The following COL11A1 variants were observed in gnomAD, a reference collection of about 807,000 sequenced individuals.
COL11A1 encodes the protein collagen type XI alpha 1 chain, also known as collagen alpha-1(XI) chain.
In COL11A1, 74 loss-of-function variants were observed where a neutral mutation model predicts 265.2. That is an observed-to-expected ratio of 0.28 (90% CI 0.23 to 0.34). COL11A1 has a LOEUF of 0.34. Among genes scored for constraint, COL11A1 ranks in the 10% least tolerant of loss-of-function variants. The pLI, the probability that COL11A1 is intolerant of heterozygous loss-of-function variation, is 1.00. For synonymous variants in COL11A1, 816 were observed against 727.6 expected, an observed-to-expected ratio of 1.12 and a Z score of -1.96; for missense variants, 2,165 against 2,263.6, an observed-to-expected ratio of 0.96 and a Z score of 0.88.
chr1:102,974,919 A>G (rs1557891930), intron 35 of COL11A1, 36 bp from the exon 36 acceptor site: 3 of 1,503,986 alleles, frequency 2.0e-6, no homozygotes, highest in East Asian at 2.3e-5. Flanking sequence ...AGTTAACAAT[A>G]TGCCTTAGAA....
chr1:102,933,949 C>A (rs1487326793), intron 46 of COL11A1, among the ~76,000 whole-genome samples: 1 of 152,164 alleles, frequency 6.6e-6, no homozygotes, highest in South Asian at 2.1e-4. Context: ...TGCTTCGGCT[C>A]GCACACGGTG....
chr1:102,970,901 C>T (rs1661909068), intron 36 of COL11A1, among the ~76,000 whole-genome samples: 1 of 152,090 alleles, frequency 6.6e-6, no homozygotes, highest in African/African-American at 2.4e-5. Flanking sequence ...GTAGTCGCAG[C>T]TACTCGGGAG....
intron 4 of COL11A1, among the ~76,000 whole-genome samples, chr1:103,039,010 C>G (rs75448573): frequency 0.042 from 6,446 of 152,142 alleles, 241 homozygotes; most frequent in African/African-American, 0.097. Flanking sequence ...GATGGCAAAG[C>G]CATTTACTCA....
At chr1:103,043,507 C>A (rs1669004328) in intron 4 of COL11A1, among the ~76,000 whole-genome samples, 1 of 151,984 alleles carries the variant, frequency 6.6e-6, no homozygotes, top group Non-Finnish European at 1.5e-5. Context: ...TGGACTAGGC[C>A]TTCTCATAGT....
intron 4 of COL11A1, among the ~76,000 whole-genome samples, chr1:103,057,313 T>C (rs961025174): frequency 2.0e-5 from 3 of 152,210 alleles, no homozygotes; most frequent in Non-Finnish European, 4.4e-5. Flanking sequence ...AGTTTTATCA[T>C]GAGGTTACAG....
At chr1:103,000,404 CTCAATATT>C (rs1664998093) in intron 24 of COL11A1, among the ~76,000 whole-genome samples, 1 of 151,796 alleles carries the variant, frequency 6.6e-6, no homozygotes, top group Admixed American at 6.6e-5. Context: ...GCTCTTACAA[CTCAATATT>C]AAGATAAATA....
chr1:102,974,324 G>C (rs539142972), intron 36 of COL11A1, among the ~76,000 whole-genome samples: 2 of 152,238 alleles, frequency 1.3e-5, no homozygotes, highest in East Asian at 3.9e-4. Context: ...TCATAAAAGG[G>C]TTAAGATTTA....
chr1:102,962,846 T>C, intron 38 of COL11A1, 86 bp from the exon 39 acceptor site: 5 of 1,207,386 alleles, frequency 4.1e-6, no homozygotes, highest in Non-Finnish European at 1.2e-6. Flanking sequence ...TTATTACATT[T>C]ACAAAAGTTT....
intron 41 of COL11A1, among the ~76,000 whole-genome samples, chr1:102,957,233 T>C (rs12136748): frequency 0.13 from 20,498 of 152,068 alleles, 1,515 homozygotes; most frequent in Middle Eastern, 0.19. Flanking sequence ...TATAAATGAA[T>C]AGATAGAACA....
intron 1 of COL11A1, among the ~76,000 whole-genome samples, chr1:103,091,670 T>C (rs1013524144): frequency 2.6e-5 from 4 of 152,092 alleles, no homozygotes; most frequent in Non-Finnish European, 5.9e-5. Flanking sequence ...CTAAGATGTG[T>C]TGTCATTAAT....
intron 54 of COL11A1, among the ~76,000 whole-genome samples, chr1:102,899,288 C>G (rs1423139527): frequency 6.6e-6 from 1 of 151,958 alleles, no homozygotes; most frequent in Non-Finnish European, 1.5e-5. Context: ...AATCGCCACC[C>G]TGAGTGTGTT....
At chr1:102,888,987 T>C in intron 59 of COL11A1, 68 bp from the exon 60 acceptor site, 1 of 1,404,370 alleles carries the variant, frequency 7.1e-7, no homozygotes, top group Admixed American at 1.7e-5. Flanking sequence ...TTCATAACTT[T>C]TCAATATTTT....
intron 4 of COL11A1, among the ~76,000 whole-genome samples, chr1:103,054,752 T>C (rs776440317): frequency 8.6e-5 from 13 of 151,912 alleles, no homozygotes; most frequent in Non-Finnish European, 1.6e-4. Flanking sequence ...AATTACAAAA[T>C]TAGCCAGGCA....
At chr1:102,923,065 A>G (rs1410269387) in intron 47 of COL11A1, among the ~76,000 whole-genome samples, 1 of 152,202 alleles carries the variant, frequency 6.6e-6, no homozygotes, top group Non-Finnish European at 1.5e-5. Flanking sequence ...TTAAGACAGA[A>G]TTATTAAATT....
intron 4 of COL11A1, among the ~76,000 whole-genome samples, chr1:103,036,428 C>T (rs1668380912): frequency 6.9e-6 from 1 of 145,500 alleles, no homozygotes; most frequent in Non-Finnish European, 1.5e-5. Flanking sequence ...GTTTATAGTA[C>T]TTTTAAATAA....
At position 102,894,113 on chromosome 1, in the gene COL11A1, A is replaced by C. The variant is rs549390541; in HGVS notation, c.4303-3609T>G. Among the ~76,000 whole-genome samples the C allele has an allele frequency of 4.4e-3, 677 of 152,338 alleles. 1 individual carries two copies. Among genetic ancestry groups the C allele is most frequent in the Admixed American group, 6.7e-3 (103 of 15,300 alleles). On this transcript the variant is annotated intron_variant, in intron 57 of 66. Coordinates refer to ENST00000370096, the MANE Select transcript of COL11A1 (RefSeq NM_001854.4). Reference sequence around the variant, plus strand: ...AAAACAAAACAAAATAAAACCTTAAAGCTAAGACAGATGTTAATTCTGACT... The same window carrying C: ...AAAACAAAACAAAATAAAACCTTAACGCTAAGACAGATGTTAATTCTGACT...
At chr1:102,890,412 G>T (rs778804535) in intron 58 of COL11A1, 39 bp downstream of exon 58, 12 of 1,539,434 alleles carry the variant, frequency 7.8e-6, no homozygotes, top group Non-Finnish European at 8.9e-6. Context: ...GTATATAAAA[G>T]CATATTCTTT....
At chr1:103,097,947 C>G (rs1257806871) in intron 1 of COL11A1, among the ~76,000 whole-genome samples, 1 of 151,640 alleles carries the variant, frequency 6.6e-6, no homozygotes, top group East Asian at 1.9e-4. Context: ...AAAGCTTGAC[C>G]TGAAAGTGGA....
intron 31 of COL11A1, among the ~76,000 whole-genome samples, chr1:102,982,199 G>C (rs1663104560): frequency 6.6e-6 from 1 of 151,988 alleles, no homozygotes; most frequent in Non-Finnish European, 1.5e-5. Flanking sequence ...ATTAAAAAAT[G>C]TTGGATACCT....
Sources: allele counts gnomAD v4.1 joint callset (sites outside exome capture counted in the v4.1 genomes callset), GRCh38; gene constraint gnomAD v4.1.1; transcripts MANE v1.5; gene names NCBI Gene and HGNC (gene_info 2026-07-23, HGNC 2026-07-21).